Variants in PCDH15 observed in about 807,000 individuals in gnomAD.
PCDH15 encodes protocadherin related 15, also known as protocadherin-15.
Under a neutral mutation model 178.5 loss-of-function variants are expected in PCDH15, and 129 were observed. The observed-to-expected ratio is 0.72, with a 90% CI of 0.63 to 0.84. The LOEUF (loss-of-function observed/expected upper bound fraction) is 0.84. PCDH15 is among the 40% of genes least tolerant of loss of function. The pLI is 0.00. For synonymous variants in PCDH15, 800 were observed against 732.0 expected (o/e 1.09, Z -1.50); for missense variants, 2,230 against 2,099.9 (o/e 1.06, Z -1.21).
At chr10:55,419,586 T>C (rs956443225) in intron 2 of PCDH15, among the ~76,000 whole-genome samples, 2 of 151,824 alleles carry the variant, frequency 1.3e-5, no homozygotes, top group African/African-American at 4.8e-5. Context: ...GGAGTGAAGA[T>C]ATTCTCACAA....
chr10:54,514,359 A>C (rs1263532590), intron 3 of PCDH15, among the ~76,000 whole-genome samples: 1 of 152,120 alleles, frequency 6.6e-6, no homozygotes, highest in Non-Finnish European at 1.5e-5. Context: ...GACTTTATAC[A>C]AAATAGTGAT....
intron 1 of PCDH15, among the ~76,000 whole-genome samples, chr10:54,733,876 T>C (rs1025410482): frequency 2.6e-5 from 4 of 151,428 alleles, no homozygotes; most frequent in Non-Finnish European, 5.9e-5. Flanking sequence ...CCAGAAAAAT[T>C]AGACCTCCAA....
At chr10:54,680,632 A>G (rs1191494224) in intron 1 of PCDH15, among the ~76,000 whole-genome samples, 1 of 152,128 alleles carries the variant, frequency 6.6e-6, no homozygotes, top group Non-Finnish European at 1.5e-5. Context: ...TAATTGAATC[A>G]CGGGGCATTT....
intron 2 of PCDH15, among the ~76,000 whole-genome samples, chr10:54,630,048 A>G (rs965118139): frequency 4.6e-5 from 7 of 152,182 alleles, no homozygotes; most frequent in Admixed American, 3.3e-4. Flanking sequence ...AAAGATTTCT[A>G]GAAGGAGAAT....
intron 2 of PCDH15, among the ~76,000 whole-genome samples, chr10:55,145,254 G>A (rs1383898515): frequency 6.6e-6 from 1 of 152,002 alleles, no homozygotes; most frequent in Non-Finnish European, 1.5e-5. Flanking sequence ...GGATATTTAA[G>A]CTTGCAGAGG....
chr10:55,549,763 G>A (rs1841966765), intron 2 of PCDH15, among the ~76,000 whole-genome samples: 1 of 152,154 alleles, frequency 6.6e-6, no homozygotes, highest in African/African-American at 2.4e-5. Flanking sequence ...TAGGGACTTA[G>A]GTCCTGTTTT....
intron 2 of PCDH15, among the ~76,000 whole-genome samples, chr10:55,434,209 A>G (rs998486917): frequency 3.4e-5 from 5 of 145,208 alleles, no homozygotes; most frequent in African/African-American, 5.1e-5. Flanking sequence ...GCCTCCCTAC[A>G]GGCGCCTGCC....
chr10:55,312,600 T>C (rs1216353194), intron 1 of PCDH15, among the ~76,000 whole-genome samples: 2 of 151,790 alleles, frequency 1.3e-5, no homozygotes. Context: ...ATCATAGATG[T>C]TGACTGCTCT....
chr10:54,358,265 A>G (rs12252444), intron 5 of PCDH15, among the ~76,000 whole-genome samples: 5,471 of 151,726 alleles, frequency 0.036, 318 homozygotes, highest in African/African-American at 0.12. Context: ...CAACCTACTC[A>G]TCTGACAAAG....
At chr10:55,212,684 C>T (rs1840600741) in intron 1 of PCDH15, among the ~76,000 whole-genome samples, 2 of 152,128 alleles carry the variant, frequency 1.3e-5, no homozygotes, top group East Asian at 1.9e-4. Flanking sequence ...TTCCGGGAAG[C>T]TCTGGGTCAT....
intron 26 of PCDH15, among the ~76,000 whole-genome samples, chr10:53,872,381 C>A (rs1367902487): frequency 6.6e-6 from 1 of 152,172 alleles, no homozygotes; most frequent in Non-Finnish European, 1.5e-5. Flanking sequence ...TAAATTCTGA[C>A]CACAACTTTA....
chr10:54,061,344 C>T (rs1452981274), intron 18 of PCDH15, among the ~76,000 whole-genome samples: 2 of 152,138 alleles, frequency 1.3e-5, no homozygotes, highest in Non-Finnish European at 2.9e-5. Flanking sequence ...TACACTAAGT[C>T]TTCATATCAT....
At chr10:55,550,740 C>A (rs1282905276) in intron 2 of PCDH15, among the ~76,000 whole-genome samples, 1 of 151,978 alleles carries the variant, frequency 6.6e-6, no homozygotes, top group Non-Finnish European at 1.5e-5. Context: ...AAGAATAAAA[C>A]AAGAACAAAG....
At chr10:55,495,028 T>C (rs2132132251) in intron 2 of PCDH15, among the ~76,000 whole-genome samples, 1 of 151,870 alleles carries the variant, frequency 6.6e-6, no homozygotes, top group South Asian at 2.1e-4. Flanking sequence ...CAACAAATAG[T>C]GCTAGTACAA....
intron 13 of PCDH15, among the ~76,000 whole-genome samples, chr10:54,164,528 C>T (rs2046017569): frequency 6.6e-6 from 1 of 152,004 alleles, no homozygotes; most frequent in East Asian, 1.9e-4. Flanking sequence ...TATAAAAAGG[C>T]AGAAGTAATA....
intron 2 of PCDH15, among the ~76,000 whole-genome samples, chr10:55,330,050 T>C (rs1204899614): frequency 2.0e-5 from 3 of 151,844 alleles, no homozygotes; most frequent in Non-Finnish European, 4.4e-5. Context: ...GACACATTAT[T>C]TCTTTCACTG....
At chr10:54,686,452 CTG>C (rs2095010638) in intron 1 of PCDH15, among the ~76,000 whole-genome samples, 2 of 152,026 alleles carry the variant, frequency 1.3e-5, no homozygotes, top group Non-Finnish European at 2.9e-5. Flanking sequence ...TTTTGGTTTC[CTG>C]TGCTTTTGGT....
At chr10:55,139,643 G>T (rs1422493803) in intron 2 of PCDH15, among the ~76,000 whole-genome samples, 1 of 151,818 alleles carries the variant, frequency 6.6e-6, no homozygotes, top group South Asian at 2.1e-4. Flanking sequence ...CTGTTCCATC[G>T]ATCTGCAGAT....
At chr10:54,158,420 T>C (rs1408107335) in intron 13 of PCDH15, among the ~76,000 whole-genome samples, 2 of 152,138 alleles carry the variant, frequency 1.3e-5, no homozygotes, top group Admixed American at 6.5e-5. Flanking sequence ...CTTGCCCCCA[T>C]GATTCAATTA....
Sources: gnomAD v4.1 joint callset for allele counts (sites outside exome capture counted in the v4.1 genomes callset) on GRCh38, gnomAD v4.1.1 for gene constraint, MANE v1.5 for transcripts, NCBI Gene and HGNC (gene_info 2026-07-23, HGNC 2026-07-21) for gene names.